Variants in EYS observed in about 807,000 individuals in gnomAD.
The protein encoded by EYS is protein eyes shut homolog.
A neutral mutation model predicts 282.1 loss-of-function variants in EYS; 250 were observed. The ratio of observed to expected loss-of-function variants is 0.89; its 90% CI spans 0.80 to 0.98. EYS has a LOEUF of 0.98. EYS is among the 50% of genes least tolerant of loss of function. The probability of loss-of-function intolerance (pLI) is 0.00; values close to 1 mark genes in which losing one functional copy is unlikely to be tolerated. For synonymous variants in EYS, 1,355 were observed against 1,282.9 expected (o/e 1.06, Z -1.20); for missense variants, 4,016 against 3,709.0 (o/e 1.08, Z -2.15).
chr6:65,075,548 G>A (rs1007981015), intron 12 of EYS, among the ~76,000 whole-genome samples: 8 of 151,842 alleles, frequency 5.3e-5, no homozygotes, highest in Non-Finnish European at 7.4e-5. Context: ...AGGAAGTTCG[G>A]GTTAAAGTTT....
chr6:65,392,261 G>A lies in EYS; in HGVS notation c.1185-7761C>T, dbSNP rs866965438. The stretch of plus-strand genomic sequence containing the variant: ...ATTACCATTCAGGACATAGGCATGG[G>A]CAAGGACTTCATGTCTAAAACACCA... On this transcript the variant is annotated intron_variant, in intron 7 of 42. Coordinates refer to ENST00000503581, the MANE Select transcript of EYS (RefSeq NM_001142800.2). Among the ~76,000 whole-genome samples, 13 of 151,656 alleles carry A rather than the reference G, an allele frequency of 8.6e-5. No homozygotes were observed. In the East Asian group the frequency reaches 9.7e-4, roughly 11 times the overall value.
chr6:64,590,233 C>G lies in EYS; in HGVS notation c.5634G>C (p.Leu1878=), dbSNP rs753750372. 6.5e-7 allele frequency: 1 copy of G among 1,535,280 alleles called. No individual in the cohort carries two copies. The highest frequency in any genetic ancestry group is 1.2e-5 in the South Asian group (1 of 81,520). The stretch of plus-strand genomic sequence containing the variant: ...AACTGAGAAACTCACCAGAAATCAT[C>G]AGCCGTTGAGGTGCCAGAATGGATT... ...SLESILAPQR[L]MISDFSCVRY... The change falls in exon 26 of 43, where the codon CTG becomes CTC. Residue 1878 remains leucine, a synonymous_variant. Transcript: ENST00000503581.
intron 13 of EYS, among the ~76,000 whole-genome samples, chr6:65,038,491 ATTTTT>A (rs1239705889): frequency 6.6e-6 from 1 of 151,356 alleles, no homozygotes; most frequent in Non-Finnish European, 1.5e-5. Flanking sequence ...GTTGACAGAT[ATTTTT>A]TTGTTTCCAA....
intron 22 of EYS, among the ~76,000 whole-genome samples, chr6:64,643,235 A>C (rs1562108516): frequency 6.6e-6 from 1 of 152,116 alleles, no homozygotes. Context: ...CATAGAGTGT[A>C]TAATTGGCAT....
intron 1 of EYS, among the ~76,000 whole-genome samples, chr6:65,642,244 GC>G (rs1350310237): frequency 1.3e-5 from 2 of 152,058 alleles, no homozygotes; most frequent in Non-Finnish European, 2.9e-5. Flanking sequence ...GTGGGTACAT[GC>G]TTTTGGTGTG....
chr6:65,103,358 AG>A (rs1212063259), intron 12 of EYS, among the ~76,000 whole-genome samples: 1 of 151,506 alleles, frequency 6.6e-6, no homozygotes, highest in Non-Finnish European at 1.5e-5. Context: ...TCTAATGTAT[AG>A]CCAGGGCTAA....
intron 32 of EYS, among the ~76,000 whole-genome samples, chr6:64,077,397 T>G (rs569924864): frequency 7.2e-4 from 109 of 152,102 alleles, no homozygotes; most frequent in Admixed American, 1.9e-3. Context: ...AAGGCAGGTG[T>G]TATGACTCTT....
chr6:65,651,210 A>G (rs1767639761), intron 1 of EYS, among the ~76,000 whole-genome samples: 1 of 152,056 alleles, frequency 6.6e-6, no homozygotes, highest in African/African-American at 2.4e-5. Context: ...GAAGCTGATC[A>G]TTTTCCAAGG....
intron 31 of EYS, among the ~76,000 whole-genome samples, chr6:64,084,936 C>G (rs1772093071): frequency 6.6e-6 from 1 of 152,070 alleles, no homozygotes; most frequent in South Asian, 2.1e-4. Flanking sequence ...GGTAAAGACT[C>G]TTAAATTCCT....
chr6:63,756,898 TC>T (rs1769499712), intron 41 of EYS, among the ~76,000 whole-genome samples: 1 of 152,190 alleles, frequency 6.6e-6, no homozygotes, highest in Non-Finnish European at 1.5e-5. Flanking sequence ...AATCTCTTAA[TC>T]CTGTTGTCTT....
chr6:64,080,998 C>T (rs1771947127), intron 32 of EYS, among the ~76,000 whole-genome samples: 1 of 151,792 alleles, frequency 6.6e-6, no homozygotes. Context: ...CGTGATGCCT[C>T]CAGCTTTGTT....
chr6:65,313,353 C>T lies in EYS; in HGVS notation c.1767-17234G>A, dbSNP rs930037009. On this transcript the variant is annotated intron_variant, in intron 11 of 42. Coordinates refer to ENST00000503581, the MANE Select transcript of EYS (RefSeq NM_001142800.2). The stretch of plus-strand genomic sequence containing the variant: ...GAGTAAAGAAGTGACCCGATACATG[C>T]GTGATTAACACATGCTTAAAGGATC... Among the ~76,000 whole-genome samples, 3 of 151,634 alleles carry T rather than the reference C, an allele frequency of 2.0e-5. No homozygotes were observed. In the South Asian group the frequency reaches 6.3e-4, roughly 32 times the overall value.
At chr6:64,813,343 T>C (rs890768186) in intron 22 of EYS, 35 bp downstream of exon 22, 14 of 1,487,476 alleles carry the variant, frequency 9.4e-6, no homozygotes, top group East Asian at 2.5e-5. Flanking sequence ...CTCCTAAATA[T>C]ATATTTACTT....
intron 26 of EYS, among the ~76,000 whole-genome samples, chr6:64,574,648 A>G (rs970196369): frequency 6.6e-6 from 1 of 152,206 alleles, no homozygotes; most frequent in Admixed American, 6.5e-5. Flanking sequence ...GCTCACAGTT[A>G]AAACAAAAAT....
At chr6:65,138,981 A>G (rs895741386) in intron 12 of EYS, among the ~76,000 whole-genome samples, 3 of 152,134 alleles carry the variant, frequency 2.0e-5, no homozygotes, top group African/African-American at 7.2e-5. Context: ...ATGCACTGCT[A>G]GTGGGAATGT....
At chr6:65,607,562 T>C (rs1765841845) in intron 2 of EYS, among the ~76,000 whole-genome samples, 1 of 151,936 alleles carries the variant, frequency 6.6e-6, no homozygotes. Context: ...AATTACTTTT[T>C]GAAAAATAAA....
At chr6:65,364,827 A>G (rs948103680) in intron 8 of EYS, among the ~76,000 whole-genome samples, 1 of 151,804 alleles carries the variant, frequency 6.6e-6, no homozygotes, top group African/African-American at 2.4e-5. Flanking sequence ...AGAGGCAGCT[A>G]AATTTTTAAA....
Position 65,384,366 on chromosome 6 carries a change from C to T in EYS, c.1299+20G>A, listed in dbSNP as rs2150351801. On this transcript the variant is annotated intron_variant, in intron 8 of 42. Transcript: ENST00000503581. Reference sequence around the variant, plus strand: ...TATTTTGAAGGGCTAACTTATGTTGCCATGTATTAAATTACTTACTTTGAA... The same window carrying T: ...TATTTTGAAGGGCTAACTTATGTTGTCATGTATTAAATTACTTACTTTGAA... 1 of 1,339,404 alleles carries T rather than the reference C, an allele frequency of 7.5e-7. No individual in the cohort carries two copies. The highest frequency in any genetic ancestry group is 1.2e-5 in the South Asian group (1 of 85,494). 83.0% of individuals were successfully genotyped at this position (1,339,404 alleles called of 1,614,324 possible).
At chr6:64,286,049 G>T (rs948668974) in intron 30 of EYS, among the ~76,000 whole-genome samples, 2 of 152,140 alleles carry the variant, frequency 1.3e-5, no homozygotes, top group African/African-American at 4.8e-5. Context: ...ATATTAGCAA[G>T]AAATAAAGTA....
Sources: allele counts gnomAD v4.1 joint callset (sites outside exome capture counted in the v4.1 genomes callset), GRCh38; gene constraint gnomAD v4.1.1; transcripts MANE v1.5; gene names NCBI Gene and HGNC (gene_info 2026-07-23, HGNC 2026-07-21).